IQCE: variants seen among roughly 807,000 people sequenced by gnomAD.
IQCE encodes IQ domain-containing protein E.
Under a neutral mutation model 96.0 loss-of-function variants are expected in IQCE, and 115 were observed. The ratio of observed to expected loss-of-function variants is 1.20; its 90% confidence interval spans 1.03 to 1.40. The LOEUF (loss-of-function observed/expected upper bound fraction) is 1.40. Ranked by LOEUF, IQCE falls within the 40% of genes most tolerant of loss-of-function variation. The pLI, the probability that IQCE is intolerant of heterozygous loss-of-function variation, is 0.00. For missense variants in IQCE, 1,041 were observed against 909.1 expected, an observed-to-expected ratio of 1.15 and a Z score of -1.87; for synonymous variants, 412 against 371.2, an observed-to-expected ratio of 1.11 and a Z score of -1.26.
intron 9 of IQCE, among the ~76,000 whole-genome samples, chr7:2,583,103 G>A (rs1398577701): frequency 6.6e-6 from 1 of 152,108 alleles, no homozygotes; most frequent in Non-Finnish European, 1.5e-5. Flanking sequence ...CTCGTTTCCT[G>A]CCGAATTTTG....
intron 13 of IQCE, 25 bp downstream of exon 13, chr7:2,587,902 G>A (rs201523858): frequency 1.2e-6 from 2 of 1,610,998 alleles, no homozygotes; most frequent in Non-Finnish European, 1.7e-6. Context: ...CAGTGCCACT[G>A]TCGTTGGGGA....
At chr7:2,598,137 A>G (rs1784184593) in intron 16 of IQCE, 1 of 253,122 alleles carries the variant, frequency 4.0e-6, no homozygotes, top group African/African-American at 2.2e-5. Flanking sequence ...TGCAGGAACA[A>G]AATGTGACTG....
At chr7:2,585,299 A>C (rs145102717) in intron 11 of IQCE, among the ~76,000 whole-genome samples, 105 of 152,266 alleles carry the variant, frequency 6.9e-4, no homozygotes, top group Admixed American at 3.1e-3. Context: ...CAGCCTCCCA[A>C]AGTTCTAGGA....
chr7:2,566,979 T>C, intron 1 of IQCE, 137 bp from the exon 2 acceptor site: 1 of 712,674 alleles, frequency 1.4e-6, no homozygotes, highest in Non-Finnish European at 2.5e-6. Context: ...GCTGGAGTGT[T>C]CTGAGTGGCC....
At chr7:2,561,798 T>A (rs574421496) in intron 1 of IQCE, among the ~76,000 whole-genome samples, 2 of 152,362 alleles carry the variant, frequency 1.3e-5, no homozygotes, top group East Asian at 3.9e-4. Flanking sequence ...AGTTTTTTAG[T>A]AGATTCATTA....
intron 16 of IQCE, among the ~76,000 whole-genome samples, chr7:2,595,990 C>A: frequency 6.6e-6 from 1 of 152,374 alleles, no homozygotes; most frequent in South Asian, 2.1e-4. Context: ...CACAAATCCC[C>A]TTCCAGTGGG....
intron 3 of IQCE, chr7:2,571,318 C>T (rs777564863): frequency 1.7e-6 from 1 of 572,326 alleles, no homozygotes; most frequent in Non-Finnish European, 3.0e-6. Flanking sequence ...CATGCCTGGC[C>T]TCATTATGCT....
At chr7:2,594,096 C>T (rs1199121061) in intron 15 of IQCE, among the ~76,000 whole-genome samples, 4 of 151,626 alleles carry the variant, frequency 2.6e-5, no homozygotes, top group Non-Finnish European at 2.9e-5. Context: ...CCCGTCTCTA[C>T]CAAAAATACA....
chr7:2,609,239 G>A (rs1323561691), intron 21 of IQCE, among the ~76,000 whole-genome samples: 6 of 152,000 alleles, frequency 3.9e-5, no homozygotes, highest in Admixed American at 3.9e-4. Context: ...CAGCTTGCAA[G>A]CTCACAGCGA....
At position 2,596,633 on chromosome 7, in the gene IQCE, C is replaced by A. The variant is rs142078023; in HGVS notation, c.1440+1657C>A. Among the ~76,000 whole-genome samples, 27 of 152,236 alleles carry A rather than the reference C, an allele frequency of 1.8e-4. No homozygotes were observed. In the East Asian group the frequency reaches 5.0e-3, roughly 28 times the overall value. ...AGGAGAGTCGGTTTAAGAGTTGCCT[C>A]AAGGAATTTATAAGCGTGTGAAAAT... On this transcript the variant is annotated intron_variant, in intron 16 of 21. Transcript: ENST00000402050.
intron 14 of IQCE, among the ~76,000 whole-genome samples, chr7:2,591,616 ATT>A (rs766125885): frequency 3.3e-4 from 39 of 118,672 alleles, no homozygotes; most frequent in African/African-American, 5.7e-4. Flanking sequence ...TCTGCGGGTG[ATT>A]TTTTTTTTTT....
intron 11 of IQCE, among the ~76,000 whole-genome samples, chr7:2,585,298 A>G (rs1157439144): frequency 6.6e-6 from 1 of 152,176 alleles, no homozygotes; most frequent in East Asian, 1.9e-4. Flanking sequence ...TCAGCCTCCC[A>G]AAGTTCTAGG....
At position 2,598,744 on chromosome 7, in the gene IQCE, G is replaced by A. The variant is rs989074538; in HGVS notation, c.1608+112G>A. ...CTGGAGGGCCAGCCAGGCCCCAGGT[G>A]TCTGAGCACCGTAACATACAGAAAA... On this transcript the variant is annotated intron_variant, in intron 17 of 21. Coordinates refer to ENST00000402050, the MANE Select transcript of IQCE (RefSeq NM_152558.5). 38 of 921,870 alleles carry A rather than the reference G, an allele frequency of 4.1e-5. No individual in the cohort carries two copies. In the African/African-American group the frequency reaches 5.7e-4, roughly 14 times the overall value. 57.1% of individuals were successfully genotyped at this position (921,870 alleles called of 1,614,324 possible).
rs749692807 is a variant in IQCE, at chr7:2,571,610, C to T, written c.215C>T (p.Ala72Val). 75 of 1,601,396 alleles carry T rather than the reference C, an allele frequency of 4.7e-5. 1 individual carries two copies. The highest frequency in any genetic ancestry group is 1.6e-4 in the Middle Eastern group (1 of 6,078). Reference sequence around the variant, plus strand: ...GGGAGCATGCCTCTGGGCGGCCGAGCGTCCCTGACCCCGCAGAAGCTGTGG... The same window carrying T: ...GGGAGCATGCCTCTGGGCGGCCGAGTGTCCCTGACCCCGCAGAAGCTGTGG... ...TAGSMPLGGR[A>V]SLTPQKLWLG... Residue 72 changes from alanine (A) to valine (V), a missense_variant, in exon 4 of 22, where the codon GCG becomes GTG. Ala to Val is a moderately conservative substitution (Grantham distance 64). Transcript: ENST00000402050.
intron 8 of IQCE, among the ~76,000 whole-genome samples, chr7:2,580,409 A>G (rs958123429): frequency 8.5e-5 from 13 of 152,210 alleles, no homozygotes; most frequent in Admixed American, 6.5e-4. Context: ...CAGGAGTTCA[A>G]GACCAGCCTG....
In IQCE at chr7:2,610,672, A is replaced by C. The variant is rs1785065911; in HGVS notation, c.*510A>C. ...CCGGCTTCCCCCATCCCCACAGCAA[A>C]ACACGGCCTGTCCCAAGCCAGTGAG... On this transcript the variant is annotated 3_prime_UTR_variant, in exon 22 of 22. Coordinates refer to ENST00000402050, the MANE Select transcript of IQCE (RefSeq NM_152558.5). The C allele has an allele frequency of 6.3e-6, 1 of 159,402 alleles. No individual in the cohort carries two copies. The highest frequency in any genetic ancestry group is 1.4e-5 in the Non-Finnish European group (1 of 72,496). The allele number at this position is 159,402 out of a possible 1,614,324, so 9.9% of individuals were successfully genotyped here.
chr7:2,562,138 T>C (rs1259517738), intron 1 of IQCE, among the ~76,000 whole-genome samples: 1 of 152,034 alleles, frequency 6.6e-6, no homozygotes, highest in African/African-American at 2.4e-5. Context: ...TCTGTATCTT[T>C]TGAGAAAATC....
At chr7:2,595,913 A>G (rs1395067629) in intron 16 of IQCE, among the ~76,000 whole-genome samples, 1 of 152,162 alleles carries the variant, frequency 6.6e-6, no homozygotes, top group Non-Finnish European at 1.5e-5. Flanking sequence ...GGAGGGTCGC[A>G]GCCATGCTCT....
Position 2,595,403 on chromosome 7 carries a change from C to T in IQCE, c.1440+427C>T, listed in dbSNP as rs537040513. Reference sequence around the variant, plus strand: ...GTTGGCAAAGCCTCAGCGGGCACTGCCCTCTGGGTGGGGTGGGGCTTCCTG... The same window carrying T: ...GTTGGCAAAGCCTCAGCGGGCACTGTCCTCTGGGTGGGGTGGGGCTTCCTG... On this transcript the variant is annotated intron_variant, in intron 16 of 21. Coordinates refer to ENST00000402050, the MANE Select transcript of IQCE (RefSeq NM_152558.5). 2.6e-5 allele frequency among the ~76,000 whole-genome samples: 4 copies of T among 152,250 alleles called. No homozygotes were observed. In the South Asian group the frequency reaches 8.3e-4, roughly 32 times the overall value.
Sources: gnomAD v4.1 joint callset for allele counts (sites outside exome capture counted in the v4.1 genomes callset) on GRCh38, gnomAD v4.1.1 for gene constraint, MANE v1.5 for transcripts, NCBI Gene and HGNC (gene_info 2026-07-23, HGNC 2026-07-21) for gene names.